The following NIPAL3 variants were observed in gnomAD, a reference collection of about 807,000 sequenced individuals.
NIPAL3 encodes NIPA like domain containing 3.
NIPAL3 carries 41 observed loss-of-function variants against 47.2 expected under a neutral mutation model. The ratio of observed to expected loss-of-function variants is 0.87; its 90% CI spans 0.68 to 1.13. The LOEUF is 1.13. NIPAL3 is among the 50% of genes most tolerant of loss of function. NIPAL3 has a pLI of 0.00. For synonymous variants in NIPAL3, 194 were observed against 209.6 expected, an observed-to-expected ratio of 0.93 and a Z score of 0.64; for missense variants, 449 against 530.1, an observed-to-expected ratio of 0.85 and a Z score of 1.50.
At chr1:24,467,321 TTAGCTGTGCGTGGTGGCGGGTGCCTG>T (rs1646739542) in intron 11 of NIPAL3, among the ~76,000 whole-genome samples, 2 of 150,764 alleles carry the variant, frequency 1.3e-5, no homozygotes, top group African/African-American at 4.9e-5. Context: ...AAAAAAAAAA[TTAGCTGTGCGTGGTGGCGGGTGCCTG>T]TAGTCCTAGC....
intron 8 of NIPAL3, among the ~76,000 whole-genome samples, chr1:24,456,832 G>A (rs1467941104): frequency 7.2e-5 from 11 of 152,056 alleles, no homozygotes; most frequent in South Asian, 4.1e-4. Flanking sequence ...GAGCCATCTC[G>A]GCTCACTGTA....
At chr1:24,465,369 T>A (rs1425016568) in intron 11 of NIPAL3, 1 of 152,206 alleles carries the variant, frequency 6.6e-6, no homozygotes, top group Non-Finnish European at 1.5e-5. Context: ...TGTATGTATA[T>A]GTGTGTTTGT....
rs1645934660 is a variant in NIPAL3 at position 24,451,482 on chromosome 1, G to C, written c.540+1856G>C. Among the ~76,000 whole-genome samples, 2 of 151,994 alleles carry C rather than the reference G, an allele frequency of 1.3e-5. No homozygotes were observed. Among genetic ancestry groups the C allele is most frequent in the African/African-American group, 4.8e-5 (2 of 41,362 alleles). ...AGGCCGAGGTAGGAGGATTGCTTGA[G>C]CCCAGGAACTTGAGACCAGTGTGGG... On this transcript the variant is annotated intron_variant, in intron 6 of 11. Coordinates refer to ENST00000374399, the MANE Select transcript of NIPAL3 (RefSeq NM_020448.5). The surrounding 1 kb of genome is among the most constrained non-coding windows in gnomAD (Gnocchi z 4.5).
chr1:24,439,355 G>C (rs1023196581), intron 2 of NIPAL3, among the ~76,000 whole-genome samples: 1 of 151,974 alleles, frequency 6.6e-6, no homozygotes, highest in African/African-American at 2.4e-5. Context: ...AATATGTTAA[G>C]TAAAAAAACA....
In NIPAL3 at chr1:24,423,415, G is replaced by A. The variant is rs562657078; in HGVS notation, c.93+3775G>A. Among the ~76,000 whole-genome samples, 120 of 152,218 alleles carry A rather than the reference G, an allele frequency of 7.9e-4. 3 individuals are homozygous for A. The South Asian group carries it at 0.012, about 16-fold the overall frequency. On this transcript the variant is annotated intron_variant, in intron 2 of 11. Coordinates refer to ENST00000374399, the MANE Select transcript of NIPAL3 (RefSeq NM_020448.5). Reference sequence around the variant, plus strand: ...CAGCACTTTGGGAGGCCGAGGCAGGGGGATCACGAGGTCAGGAGATCGAGA... The same window carrying A: ...CAGCACTTTGGGAGGCCGAGGCAGGAGGATCACGAGGTCAGGAGATCGAGA...
chr1:24,419,330 C>T lies in NIPAL3; in HGVS notation c.-218C>T, dbSNP rs1314549266. 7.9e-7 allele frequency: 1 copy of T among 1,267,938 alleles called. No individual in the cohort carries two copies. Among genetic ancestry groups the T allele is most frequent in the Non-Finnish European group, 9.9e-7 (1 of 1,007,786 alleles). The allele number at this position is 1,267,938 out of a possible 1,614,324, so 78.5% of individuals were successfully genotyped here. On this transcript the variant is annotated 5_prime_UTR_variant, in exon 2 of 12. Transcript: ENST00000374399. ...TGGAAAACACACCCCTCTCTGTCTG[C>T]CTGGGAGAGCCACGGAAATTGGCAC...
chr1:24,450,407 G>A (rs910308848), intron 6 of NIPAL3, among the ~76,000 whole-genome samples: 1 of 152,170 alleles, frequency 6.6e-6, no homozygotes. Context: ...TCACACTGCT[G>A]ATAGAAGCCC....
intron 6 of NIPAL3, among the ~76,000 whole-genome samples, chr1:24,452,956 C>A (rs1447026357): frequency 6.6e-6 from 1 of 150,578 alleles, no homozygotes; most frequent in Non-Finnish European, 1.5e-5. Context: ...CCCGCCTTGG[C>A]CTCCCAAAGT....
intron 11 of NIPAL3, chr1:24,465,020 A>G (rs1570389236): frequency 6.6e-6 from 1 of 152,306 alleles, no homozygotes; most frequent in Non-Finnish European, 1.5e-5. Context: ...TACTTTTTAT[A>G]TTAGTTCCTC....
In NIPAL3 at chr1:24,460,550, T is replaced by C. The variant is rs1646424386; in HGVS notation, c.926+6T>C. The C allele has an allele frequency of 6.4e-7, 1 of 1,562,720 alleles. No homozygotes were observed. The highest frequency in any genetic ancestry group is 2.1e-5 in the Admixed American group (1 of 48,472). ...ATCTGCATGTTTGCACTGGGGTGAG[T>C]TCTGTCCTGCTTGCCAGCCCCAAAA... is the stretch of plus-strand genomic sequence containing the variant. On this transcript the variant is annotated splice_donor_region_variant and intron_variant, in intron 10 of 11. Transcript: ENST00000374399.
chr1:24,456,831 C>T (rs908581658), intron 8 of NIPAL3, among the ~76,000 whole-genome samples: 1 of 152,106 alleles, frequency 6.6e-6, no homozygotes, highest in Admixed American at 6.5e-5. Flanking sequence ...AGAGCCATCT[C>T]GGCTCACTGT....
At chr1:24,437,941 A>T (rs1016675916) in intron 2 of NIPAL3, among the ~76,000 whole-genome samples, 1 of 152,222 alleles carries the variant, frequency 6.6e-6, no homozygotes, top group African/African-American at 2.4e-5. Flanking sequence ...TTTACTCCAG[A>T]TGCTGATGGC....
At position 24,454,525 on chromosome 1, in the gene NIPAL3, C is replaced by T. The variant is rs1426229059; in HGVS notation, c.637+1021C>T. The stretch of plus-strand genomic sequence containing the variant: ...CATCAACCAAATAGATACCTGTCAC[C>T]GAAGACAGGGTTTCCTTAATTTTTT... On this transcript the variant is annotated intron_variant, in intron 7 of 11. Coordinates refer to ENST00000374399, the MANE Select transcript of NIPAL3 (RefSeq NM_020448.5). The surrounding 1 kb of genome is among the most constrained non-coding windows in gnomAD (Gnocchi z 4.1). 4 of 988,818 alleles carry T rather than the reference C, an allele frequency of 4.0e-6. No individual in the cohort carries two copies. Among genetic ancestry groups the T allele is most frequent in the Non-Finnish European group, 3.6e-6 (3 of 832,140 alleles). 61.3% of individuals were successfully genotyped at this position (988,818 alleles called of 1,614,324 possible). A position where few individuals can be genotyped will look rare whatever the true frequency, so the allele number is the denominator to read the frequency against.
rs530279441 is a variant in NIPAL3, at chr1:24,440,123, C to T, written c.94-49C>T. 23 of 1,444,848 alleles carry T rather than the reference C, an allele frequency of 1.6e-5. No individual in the cohort carries two copies. In the Admixed American group the frequency reaches 4.1e-4, roughly 26 times the overall value. The allele number at this position is 1,444,848 out of a possible 1,614,324, so 89.5% of individuals were successfully genotyped here. A position where few individuals can be genotyped will look rare whatever the true frequency, so the allele number is the denominator to read the frequency against. Reference sequence around the variant, plus strand: ...TGAGTGTCAGAAGTGTCCTGGGGCCCCCTGGCTTGTGCCCAAATCATGTCC... The same window carrying T: ...TGAGTGTCAGAAGTGTCCTGGGGCCTCCTGGCTTGTGCCCAAATCATGTCC... On this transcript the variant is annotated intron_variant, in intron 2 of 11. Transcript: ENST00000374399.
At chr1:24,420,216 T>G (rs571048644) in intron 2 of NIPAL3, 1 of 152,164 alleles carries the variant, frequency 6.6e-6, no homozygotes, top group East Asian at 1.9e-4. Context: ...AATCACCTAC[T>G]CTGGGCCAGT....
chr1:24,432,216 G>A (rs953854111), intron 2 of NIPAL3, among the ~76,000 whole-genome samples: 11 of 152,128 alleles, frequency 7.2e-5, no homozygotes, highest in Non-Finnish European at 1.3e-4. Flanking sequence ...TGCAGTCTCC[G>A]CCTTCCGGGT....
rs544529601 is a variant in NIPAL3 at position 24,437,125 on chromosome 1, G to A, written c.94-3047G>A. On this transcript the variant is annotated intron_variant, in intron 2 of 11. Coordinates refer to ENST00000374399, the MANE Select transcript of NIPAL3 (RefSeq NM_020448.5). Reference sequence around the variant, plus strand: ...ATAATAGCCGGGCGAGGTGGCGGGCGCCTGTAGTCCCAGCTACTTGGGAGG... The same window carrying A: ...ATAATAGCCGGGCGAGGTGGCGGGCACCTGTAGTCCCAGCTACTTGGGAGG... 3.4e-3 allele frequency among the ~76,000 whole-genome samples: 524 copies of A among 152,074 alleles called. 1 individual carries two copies. The highest frequency in any genetic ancestry group is 5.2e-3 in the Non-Finnish European group (351 of 67,978).
In NIPAL3 at chr1:24,472,398, G is replaced by A. The variant is rs1037067872; in HGVS notation, c.*3213G>A. On this transcript the variant is annotated 3_prime_UTR_variant, in exon 12 of 12. Transcript: ENST00000374399. ...ATACGCAGCACTGGCTGTTAAGATG[G>A]GGAAGGGGTACATCAGGATTCCACT... 6.6e-6 allele frequency: 1 copy of A among 152,164 alleles called. No homozygotes were observed. Among genetic ancestry groups the A allele is most frequent in the African/African-American group, 2.4e-5 (1 of 41,430 alleles). The allele number at this position is 152,164 out of a possible 1,614,324, so 9.4% of individuals were successfully genotyped here.
chr1:24,456,528 G>C (rs564774236), intron 8 of NIPAL3, among the ~76,000 whole-genome samples: 63 of 152,092 alleles, frequency 4.1e-4, no homozygotes, highest in Non-Finnish European at 7.8e-4. Flanking sequence ...AGGTGGGTGG[G>C]TCACTTGAGG....
Sources: allele counts gnomAD v4.1 joint callset (sites outside exome capture counted in the v4.1 genomes callset), GRCh38; gene constraint gnomAD v4.1.1; non-coding constraint Gnocchi (gnomAD v3.1); transcripts MANE v1.5; gene names NCBI Gene and HGNC (gene_info 2026-07-23, HGNC 2026-07-21).